Variants in ASTN2 observed in about 807,000 individuals in gnomAD.
The protein encoded by ASTN2 is astrotactin 2.
ASTN2 carries 54 observed loss-of-function variants against 139.8 expected under a neutral mutation model. The ratio of observed to expected loss-of-function variants is 0.39; its 90% CI spans 0.31 to 0.48. The LOEUF (loss-of-function observed/expected upper bound fraction) is 0.48. ASTN2 is among the 20% of genes least tolerant of loss of function. The probability of loss-of-function intolerance (pLI) is 0.95; values close to 1 mark genes in which losing one functional copy is unlikely to be tolerated. For synonymous variants in ASTN2, 756 were observed against 719.5 expected (o/e 1.05, Z -0.81); for missense variants, 1,565 against 1,725.1 (o/e 0.91, Z 1.64).
chr9:116,530,749 A>G (rs1851307912), intron 19 of ASTN2, among the ~76,000 whole-genome samples: 1 of 152,166 alleles, frequency 6.6e-6, no homozygotes, highest in South Asian at 2.1e-4. Context: ...TCTCAACTAA[A>G]TTAGAGTTCT....
chr9:116,999,548 C>CTTTTTTTTTTTT (rs71379248), intron 7 of ASTN2, among the ~76,000 whole-genome samples: 8 of 94,920 alleles, frequency 8.4e-5, no homozygotes, highest in Non-Finnish European at 1.2e-4. Flanking sequence ...TTCTCTCTTT[C>CTTTTTTTTTTTT]TTTTTTTTTT....
At chr9:116,524,306 G>A (rs568918692) in intron 19 of ASTN2, among the ~76,000 whole-genome samples, 100 of 152,238 alleles carry the variant, frequency 6.6e-4, no homozygotes, top group African/African-American at 2.2e-3. Flanking sequence ...AATGTAACTC[G>A]ATTGACTGGA....
intron 13 of ASTN2, among the ~76,000 whole-genome samples, chr9:116,775,873 T>G (rs1830077097): frequency 1.3e-5 from 2 of 151,706 alleles, no homozygotes; most frequent in African/African-American, 4.9e-5. Flanking sequence ...AGCCAAGCCT[T>G]CAGACATATT....
At chr9:116,786,072 T>C (rs997348817) in intron 13 of ASTN2, among the ~76,000 whole-genome samples, 1 of 152,170 alleles carries the variant, frequency 6.6e-6, no homozygotes, top group Non-Finnish European at 1.5e-5. Context: ...TTCCCCTCTG[T>C]TCTATCCACC....
At chr9:116,961,506 T>C (rs1486610324) in intron 10 of ASTN2, among the ~76,000 whole-genome samples, 5 of 152,344 alleles carry the variant, frequency 3.3e-5, no homozygotes, top group South Asian at 2.1e-4. Context: ...TCCCTTAGCA[T>C]AGTGTCCTCA....
intron 19 of ASTN2, among the ~76,000 whole-genome samples, chr9:116,523,078 A>G (rs1850944866): frequency 6.6e-6 from 1 of 152,164 alleles, no homozygotes; most frequent in Admixed American, 6.5e-5. Context: ...AGAAGTCAAA[A>G]CAACTATTAT....
intron 17 of ASTN2, among the ~76,000 whole-genome samples, chr9:116,646,639 C>G (rs1857603269): frequency 6.6e-6 from 1 of 152,154 alleles, no homozygotes; most frequent in South Asian, 2.1e-4. Context: ...CACTCCATCC[C>G]TTAGGCTGTC....
At chr9:116,446,272 TAGAGAG>T (rs3040241) in intron 20 of ASTN2, among the ~76,000 whole-genome samples, 4,637 of 118,930 alleles carry the variant, frequency 0.039, 223 homozygotes, top group South Asian at 0.21. Flanking sequence ...GAGAGAGAGA[TAGAGAG>T]AGAGAGAGAG....
chr9:116,467,560 C>T (rs887817587), intron 20 of ASTN2, among the ~76,000 whole-genome samples: 1 of 152,214 alleles, frequency 6.6e-6, no homozygotes, highest in Non-Finnish European at 1.5e-5. Flanking sequence ...CCACTGCACC[C>T]GGCCGAGACA....
chr9:116,452,959 T>C lies in ASTN2; in HGVS notation c.3498-10406A>G, dbSNP rs10983164. On this transcript the variant is annotated intron_variant, in intron 20 of 22. Coordinates refer to ENST00000313400, the MANE Select transcript of ASTN2 (RefSeq NM_001365068.1). ...CCCTTCTCTTCTTCCATGGTGCCTTTAAGATTGAATTTTGCCAAAGCCAAG... is the reference window on the plus strand; with the variant it reads ...CCCTTCTCTTCTTCCATGGTGCCTTCAAGATTGAATTTTGCCAAAGCCAAG... Among the ~76,000 whole-genome samples, 1,968 of 152,254 alleles carry C rather than the reference T, an allele frequency of 0.013. 180 individuals carry two copies. In the South Asian group the frequency reaches 0.21, roughly 16 times the overall value.
At chr9:117,150,447 T>G (rs959715591) in intron 3 of ASTN2, among the ~76,000 whole-genome samples, 4 of 152,012 alleles carry the variant, frequency 2.6e-5, no homozygotes, top group Non-Finnish European at 5.9e-5. Flanking sequence ...GAAAAAAGGG[T>G]CAAGTAAGTA....
chr9:116,948,098 T>C (rs1170725202), intron 10 of ASTN2, among the ~76,000 whole-genome samples: 1 of 152,236 alleles, frequency 6.6e-6, no homozygotes, highest in Non-Finnish European at 1.5e-5. Flanking sequence ...GATTCTTTGA[T>C]AGGGCATTCT....
intron 13 of ASTN2, among the ~76,000 whole-genome samples, chr9:116,777,566 G>A (rs567957327): frequency 1.3e-5 from 2 of 152,070 alleles, no homozygotes; most frequent in African/African-American, 2.4e-5. Flanking sequence ...CATGTGAGGC[G>A]GGGTGGGAGA....
chr9:116,954,237 G>A (rs528487793), intron 10 of ASTN2, among the ~76,000 whole-genome samples: 1 of 152,308 alleles, frequency 6.6e-6, no homozygotes, highest in South Asian at 2.1e-4. Flanking sequence ...AGGCCACAAT[G>A]TTAGTGAATG....
At chr9:116,719,446 C>T (rs980153586) in intron 16 of ASTN2, among the ~76,000 whole-genome samples, 11 of 152,034 alleles carry the variant, frequency 7.2e-5, no homozygotes, top group African/African-American at 2.7e-4. Context: ...AATTTGAAGT[C>T]AGTGCTCTCA....
intron 10 of ASTN2, among the ~76,000 whole-genome samples, chr9:116,971,739 C>T (rs1187671063): frequency 6.6e-6 from 1 of 152,186 alleles, no homozygotes; most frequent in African/African-American, 2.4e-5. Flanking sequence ...CACTATGTTA[C>T]AATAATGAGC....
At chr9:117,005,620 A>G (rs1271209435) in intron 7 of ASTN2, among the ~76,000 whole-genome samples, 1 of 152,166 alleles carries the variant, frequency 6.6e-6, no homozygotes, top group Admixed American at 6.5e-5. Flanking sequence ...ACTTAGAGGC[A>G]TCTTTCCCAC....
At chr9:117,088,016 C>T (rs1222158440) in intron 5 of ASTN2, among the ~76,000 whole-genome samples, 1 of 152,212 alleles carries the variant, frequency 6.6e-6, no homozygotes, top group Non-Finnish European at 1.5e-5. Context: ...TTTGATTTGT[C>T]ATTTGAGGAG....
intron 6 of ASTN2, among the ~76,000 whole-genome samples, chr9:117,027,439 G>C (rs1018000587): frequency 6.6e-6 from 1 of 152,114 alleles, no homozygotes; most frequent in Non-Finnish European, 1.5e-5. Context: ...CCTCCCATTA[G>C]ATCCATTCAT....
Sources: gnomAD v4.1 joint callset for allele counts (sites outside exome capture counted in the v4.1 genomes callset) on GRCh38, gnomAD v4.1.1 for gene constraint, MANE v1.5 for transcripts, NCBI Gene and HGNC (gene_info 2026-07-23, HGNC 2026-07-21) for gene names.